UNC13C: variants seen among roughly 807,000 people sequenced by gnomAD.
UNC13C encodes protein unc-13 homolog C.
UNC13C carries 174 observed loss-of-function variants against 245.4 expected under a neutral mutation model. That is an observed-to-expected ratio of 0.71 (90% CI 0.63 to 0.80). The LOEUF (loss-of-function observed/expected upper bound fraction) is 0.80, where lower values mean the gene tolerates loss of function less well. UNC13C is among the 30% of genes least tolerant of loss of function. The pLI is 0.00. For synonymous variants in UNC13C, 992 were observed against 895.1 expected (o/e 1.11, Z -1.93); for missense variants, 2,829 against 2,602.9 (o/e 1.09, Z -1.89).
the UNC13C span, among the ~76,000 whole-genome samples, chr15:53,957,264 C>G: frequency 6.6e-6 from 1 of 152,170 alleles, no homozygotes; most frequent in South Asian, 2.1e-4. Flanking sequence ...GCCTCAGCCT[C>G]TTGAGTAGCT....
At chr15:54,617,001 T>A (rs368993735) in intron 30 of UNC13C, among the ~76,000 whole-genome samples, 7 of 152,118 alleles carry the variant, frequency 4.6e-5, no homozygotes, top group Non-Finnish European at 7.4e-5. Context: ...AGTAACATAC[T>A]GTAAAGGTTT....
rs539281590 is a variant in UNC13C at position 54,239,208 on chromosome 15, T to G, written c.3228+1518T>G. Among the ~76,000 whole-genome samples, 14 of 152,322 alleles carry G rather than the reference T, an allele frequency of 9.2e-5. No individual in the cohort carries two copies. The South Asian group carries it at 2.9e-3, about 32-fold the overall frequency. On this transcript the variant is annotated intron_variant, in intron 7 of 32. Coordinates refer to ENST00000260323, the MANE Select transcript of UNC13C (RefSeq NM_001080534.3). ...ACTTAACATTTAAACACCATTTTTA[T>G]GTCTATATTTCTCATTCCCTTCCTT...
intron 2 of UNC13C, among the ~76,000 whole-genome samples, chr15:54,099,032 G>T (rs1900028193): frequency 6.6e-6 from 1 of 152,196 alleles, no homozygotes; most frequent in African/African-American, 2.4e-5. Context: ...TAATTCTCCT[G>T]AGAGAAAACT....
At chr15:54,534,007 G>A (rs73421555) in intron 26 of UNC13C, among the ~76,000 whole-genome samples, 5,662 of 152,126 alleles carry the variant, frequency 0.037, 318 homozygotes, top group African/African-American at 0.13. Context: ...AATATCAAAA[G>A]GACCAAGATT....
rs79415075 is a variant in UNC13C at position 54,003,856 on chromosome 15, C to T, written c.-256-8792C>T. ...TGAAACCCTGTCTCTACTAAAAATA[C>T]AAAAAATTCATTGGCATGGTGGCAG... On this transcript the variant is annotated intron_variant, in intron 1 of 32. Coordinates refer to ENST00000260323, the MANE Select transcript of UNC13C (RefSeq NM_001080534.3). Among the ~76,000 whole-genome samples the T allele has an allele frequency of 1.6e-3, 240 of 152,110 alleles. 1 individual carries two copies. The highest frequency in any genetic ancestry group is 5.6e-3 in the African/African-American group (231 of 41,492).
At chr15:54,239,281 G>T (rs565165338) in intron 7 of UNC13C, among the ~76,000 whole-genome samples, 1 of 151,780 alleles carries the variant, frequency 6.6e-6, no homozygotes, top group Non-Finnish European at 1.5e-5. Flanking sequence ...ATCTTTCCTG[G>T]GTTTTTCCAT....
At chr15:54,261,004 C>T (rs887508693) in intron 8 of UNC13C, among the ~76,000 whole-genome samples, 3 of 152,050 alleles carry the variant, frequency 2.0e-5, no homozygotes, top group African/African-American at 7.2e-5. Context: ...CAGTTTGCCC[C>T]TCTGTCTAAG....
chr15:54,532,611 G>A (rs1895801022), intron 25 of UNC13C, among the ~76,000 whole-genome samples: 1 of 152,124 alleles, frequency 6.6e-6, no homozygotes, highest in Non-Finnish European at 1.5e-5. Flanking sequence ...TCTTTTTAGA[G>A]CAGTCATTTT....
At chr15:53,903,497 G>C in the UNC13C span, among the ~76,000 whole-genome samples, 1 of 152,190 alleles carries the variant, frequency 6.6e-6, no homozygotes, top group East Asian at 1.9e-4. Flanking sequence ...ATTTAAGATT[G>C]TGACAATATC....
intron 17 of UNC13C, among the ~76,000 whole-genome samples, chr15:54,350,055 G>A (rs995208023): frequency 6.6e-6 from 1 of 151,874 alleles, no homozygotes; most frequent in East Asian, 1.9e-4. Context: ...GCAGTGGCAC[G>A]AACTGGGCTC....
chr15:54,522,953 T>G (rs1005151597), intron 24 of UNC13C, among the ~76,000 whole-genome samples: 6 of 152,338 alleles, frequency 3.9e-5, no homozygotes, highest in Admixed American at 2.0e-4. Flanking sequence ...TACAAAAAGA[T>G]TCAAGATAAT....
intron 1 of UNC13C, among the ~76,000 whole-genome samples, chr15:54,006,300 A>G (rs1174370523): frequency 6.6e-6 from 1 of 152,218 alleles, no homozygotes; most frequent in Non-Finnish European, 1.5e-5. Flanking sequence ...TTCACAAAAT[A>G]ACTGATTAGC....
chr15:53,969,051 A>G, the UNC13C span, among the ~76,000 whole-genome samples: 1 of 152,166 alleles, frequency 6.6e-6, no homozygotes, highest in African/African-American at 2.4e-5. Flanking sequence ...TCTGTTTTAT[A>G]GGATAAAGAG....
chr15:54,381,235 C>T (rs1048251150), intron 17 of UNC13C, among the ~76,000 whole-genome samples: 1 of 152,004 alleles, frequency 6.6e-6, no homozygotes, highest in Admixed American at 6.6e-5. Flanking sequence ...CTATTGTGTG[C>T]CCATGGCATA....
At chr15:54,315,369 A>G (rs2037981741) in intron 13 of UNC13C, among the ~76,000 whole-genome samples, 2 of 151,470 alleles carry the variant, frequency 1.3e-5, no homozygotes, top group Non-Finnish European at 3.0e-5. Context: ...TTTCTGTCCT[A>G]TTTTATAAGA....
At chr15:54,139,604 C>T (rs1209426630) in intron 2 of UNC13C, among the ~76,000 whole-genome samples, 2 of 152,188 alleles carry the variant, frequency 1.3e-5, no homozygotes, top group Non-Finnish European at 2.9e-5. Context: ...ATATTCTCAA[C>T]AGCCTTGGGA....
chr15:54,250,612 G>T (rs765134841), intron 8 of UNC13C, among the ~76,000 whole-genome samples, 168 bp downstream of exon 8: 6 of 152,074 alleles, frequency 3.9e-5, no homozygotes, highest in Non-Finnish European at 7.4e-5. Flanking sequence ...AGTTGATGAT[G>T]CATTCTTACA....
intron 19 of UNC13C, among the ~76,000 whole-genome samples, chr15:54,447,217 A>G (rs567104864): frequency 6.6e-6 from 1 of 152,206 alleles, no homozygotes; most frequent in Non-Finnish European, 1.5e-5. Context: ...GGATATTTGC[A>G]TCGATGTTCA....
At chr15:54,157,630 C>G (rs770833910) in intron 4 of UNC13C, among the ~76,000 whole-genome samples, 1 of 152,078 alleles carries the variant, frequency 6.6e-6, no homozygotes, top group African/African-American at 2.4e-5. Flanking sequence ...GCTACCCCAA[C>G]GGGCTACTCA....
Sources: gnomAD v4.1 joint callset for allele counts (sites outside exome capture counted in the v4.1 genomes callset) on GRCh38, gnomAD v4.1.1 for gene constraint, MANE v1.5 for transcripts, NCBI Gene and HGNC (gene_info 2026-07-23, HGNC 2026-07-21) for gene names.